AKAP12: variants seen among roughly 807,000 people sequenced by gnomAD.
AKAP12 encodes A-kinase anchoring protein 12, also known as A-kinase anchor protein 12.
AKAP12 carries 32 observed loss-of-function variants against 79.9 expected under a neutral mutation model. The observed-to-expected ratio is 0.40, with a 90% CI of 0.30 to 0.54. The LOEUF (loss-of-function observed/expected upper bound fraction) is 0.54. AKAP12 is among the 20% of genes least tolerant of loss of function. The pLI, the probability that AKAP12 is intolerant of heterozygous loss-of-function variation, is 0.48. For synonymous variants in AKAP12, 808 were observed against 857.0 expected, an observed-to-expected ratio of 0.94 and a Z score of 1.00; for missense variants, 2,074 against 2,177.0, an observed-to-expected ratio of 0.95 and a Z score of 0.94.
intron 2 of AKAP12, among the ~76,000 whole-genome samples, chr6:151,297,272 T>G (rs942073951): frequency 2.6e-5 from 4 of 151,480 alleles, no homozygotes; most frequent in Non-Finnish European, 4.4e-5. Context: ...ACCAGGAACC[T>G]CAGGAAAAAA....
At position 151,347,493 on chromosome 6, in the gene AKAP12, A is replaced by G. The variant is rs115998368; in HGVS notation, c.320-1218A>G. Among the ~76,000 whole-genome samples the G allele has an allele frequency of 1.9e-3, 289 of 152,314 alleles. 1 individual carries two copies. The highest frequency in any genetic ancestry group is 6.7e-3 in the African/African-American group (279 of 41,572). On this transcript the variant is annotated intron_variant, in intron 3 of 4. Transcript: ENST00000402676. Reference sequence around the variant, plus strand: ...CTTACATTGCAACAGAAGATGCACTACCTCGTTGACTCACTCTTAGAGGTG... The same window carrying G: ...CTTACATTGCAACAGAAGATGCACTGCCTCGTTGACTCACTCTTAGAGGTG...
intron 3 of AKAP12, among the ~76,000 whole-genome samples, chr6:151,332,804 C>T (rs1020370525): frequency 6.6e-6 from 1 of 152,186 alleles, no homozygotes; most frequent in Non-Finnish European, 1.5e-5. Context: ...CTCCCTTTAA[C>T]ATTTTGGCCA....
intron 4 of AKAP12, 76 bp from the exon 5 acceptor site, chr6:151,355,651 T>C (rs772487753): frequency 1.3e-5 from 2 of 152,582 alleles, no homozygotes; most frequent in African/African-American, 2.4e-5. Context: ...TAGGTCACTT[T>C]GACAACTATC....
At chr6:151,332,630 CTGTATCACACATGGGTA>C in intron 3 of AKAP12, among the ~76,000 whole-genome samples, 1 of 152,186 alleles carries the variant, frequency 6.6e-6, no homozygotes, top group East Asian at 1.9e-4. Flanking sequence ...CAATACAAGA[CTGTATCACACATGGGTA>C]TGTGGCCTGT....
intron 3 of AKAP12, chr6:151,341,564 C>T: frequency 2.5e-6 from 1 of 395,116 alleles, no homozygotes; most frequent in Non-Finnish European, 3.8e-6. Context: ...CGGCTGGCTT[C>T]CCGGGCCCAG....
chr6:151,350,479 C>T lies in AKAP12; in HGVS notation c.2088C>T (p.Ser696=). The T allele has an allele frequency of 6.2e-7, 1 of 1,614,100 alleles. No homozygotes were observed. The highest frequency in any genetic ancestry group is 1.1e-5 in the South Asian group (1 of 91,074). ...GSSKKRARRG[S]SSDEEGGPKA... is the part of the protein sequence containing the mutation. ...CCAAGAAAAGAGCAAGGAGAGGGTCCTCTTCTGATGAGGAAGGGGGACCAA... is the reference window on the plus strand; with the variant it reads ...CCAAGAAAAGAGCAAGGAGAGGGTCTTCTTCTGATGAGGAAGGGGGACCAA... Residue 696 remains serine, a synonymous_variant, in exon 4 of 5, where the codon TCC becomes TCT. Transcript: ENST00000402676. This position sits in a 1 kb window ranked among gnomAD's most constrained non-coding sequence, Gnocchi z 4.8.
chr6:151,266,387 G>C (rs1159855115), intron 2 of AKAP12, among the ~76,000 whole-genome samples: 2 of 152,096 alleles, frequency 1.3e-5, no homozygotes, highest in Non-Finnish European at 2.9e-5. Flanking sequence ...GTATAAAGAG[G>C]AAAGACAGTG....
Position 151,349,166 on chromosome 6 carries a change from G to A in AKAP12, c.775G>A (p.Gly259Ser), listed in dbSNP as rs748958004. Reference protein sequence around the residue: ...HAEISPPAESGQAVEECKEEG... With the variant: ...HAEISPPAESSQAVEECKEEG... The stretch of plus-strand genomic sequence containing the variant: ...AGAAATTTCTCCCCCAGCCGAATCT[G>A]GCCAAGCAGTGGAGGAATGCAAAGA... Residue 259 changes from glycine (G) to serine (S), a missense_variant, in exon 4 of 5, where the codon GGC becomes AGC. Gly to Ser is a moderately conservative substitution (Grantham distance 56, BLOSUM62 0). This residue lies in a region of AKAP12 where 1,428 missense variants were observed against 1,451.0 expected (regional missense o/e 0.98). Coordinates refer to ENST00000402676, the MANE Select transcript of AKAP12 (RefSeq NM_005100.4). The A allele has an allele frequency of 1.2e-6, 2 of 1,613,662 alleles. No individual in the cohort carries two copies. The highest frequency in any genetic ancestry group is 1.7e-6 in the Non-Finnish European group (2 of 1,180,028).
At chr6:151,353,924 G>A (rs1217895230) in intron 4 of AKAP12, among the ~76,000 whole-genome samples, 172 bp downstream of exon 4, 1 of 152,080 alleles carries the variant, frequency 6.6e-6, no homozygotes, top group Non-Finnish European at 1.5e-5. Context: ...GGTTTTTGGT[G>A]ATTGAAATGC....
At chr6:151,325,193 T>C in intron 3 of AKAP12, 1 of 985,332 alleles carries the variant, frequency 1.0e-6, no homozygotes, top group Non-Finnish European at 1.2e-6. Flanking sequence ...ACACAGATGG[T>C]GAAAATATCA....
rs772602163 is a variant in AKAP12 at position 151,352,889 on chromosome 6, C to A, written c.4498C>A (p.Leu1500Met). ...TACCAAGAAAGGCTTAAGTTCCGACCTGGAAGGAGAGAAAACCACATCACT... is the reference window on the plus strand; with the variant it reads ...TACCAAGAAAGGCTTAAGTTCCGACATGGAAGGAGAGAAAACCACATCACT... Reference protein sequence around the residue: ...ATTKKGLSSDLEGEKTTSLKW... With the variant: ...ATTKKGLSSDMEGEKTTSLKW... The change falls in exon 4 of 5, where the codon CTG becomes ATG. Residue 1500 changes from leucine (L) to methionine (M), a missense_variant. Leu to Met is a conservative substitution (Grantham distance 15, BLOSUM62 2). Around this residue, in one of 3 missense-constraint regions of AKAP12, gnomAD observed 614 missense variants for 665.6 expected, o/e 0.92. Coordinates refer to ENST00000402676, the MANE Select transcript of AKAP12 (RefSeq NM_005100.4). 4 of 1,614,148 alleles carry A rather than the reference C, an allele frequency of 2.5e-6. No individual in the cohort carries two copies. Among genetic ancestry groups the A allele is most frequent in the Non-Finnish European group, 3.4e-6 (4 of 1,180,052 alleles).
chr6:151,326,163 G>C (rs990093818), intron 3 of AKAP12, among the ~76,000 whole-genome samples: 2 of 152,202 alleles, frequency 1.3e-5, no homozygotes, highest in Admixed American at 1.3e-4. Context: ...ATTTTGTTCG[G>C]GGTTGTACCC....
chr6:151,356,224 G>A lies in AKAP12; in HGVS notation c.*510G>A, dbSNP rs1042167. 0.076 allele frequency: 11,577 copies of A among 152,552 alleles called. 463 individuals carry two copies. Among genetic ancestry groups the A allele is most frequent in the Middle Eastern group, 0.23 (66 of 292 alleles). The allele number at this position is 152,552 out of a possible 1,614,324, so 9.4% of individuals were successfully genotyped here. A position where few individuals can be genotyped will look rare whatever the true frequency, so the allele number is the denominator to read the frequency against. ...TTTAAGCCTCAGTTATATAACCCAC[G>A]AAAAACAGAGCCTCCTAGATGTAAC... On this transcript the variant is annotated 3_prime_UTR_variant, in exon 5 of 5. Coordinates refer to ENST00000402676, the MANE Select transcript of AKAP12 (RefSeq NM_005100.4).
chr6:151,341,055 TTC>T (rs1206524972), intron 3 of AKAP12, among the ~76,000 whole-genome samples: 12 of 117,706 alleles, frequency 1.0e-4, no homozygotes, highest in South Asian at 3.0e-4. Flanking sequence ...TTTCTTTTTT[TTC>T]TTTTTTTTTT....
At chr6:151,293,526 G>A (rs982032410) in intron 2 of AKAP12, among the ~76,000 whole-genome samples, 1 of 152,232 alleles carries the variant, frequency 6.6e-6, no homozygotes, top group Non-Finnish European at 1.5e-5. Flanking sequence ...CATCAGCTCA[G>A]AGCAGCGGGT....
At chr6:151,269,243 T>A (rs950908101) in intron 2 of AKAP12, among the ~76,000 whole-genome samples, 4 of 152,028 alleles carry the variant, frequency 2.6e-5, no homozygotes, top group Non-Finnish European at 4.4e-5. Flanking sequence ...CAAGGATGGA[T>A]GATAATCCCA....
chr6:151,336,671 G>T (rs1210206693), intron 3 of AKAP12, among the ~76,000 whole-genome samples: 5 of 152,168 alleles, frequency 3.3e-5, no homozygotes, highest in Admixed American at 2.0e-4. Context: ...GAACCCAGGA[G>T]GTGGAGGTTG....
Position 151,253,759 on chromosome 6 carries a change from G to A in AKAP12, c.162+13035G>A, listed in dbSNP as rs146028224. On this transcript the variant is annotated intron_variant, in intron 2 of 4. Coordinates refer to ENST00000402676, the MANE Select transcript of AKAP12 (RefSeq NM_005100.4). Reference sequence around the variant, plus strand: ...GGCAGAGTCCTGCTCTGTTACCCAGGCTGGAGAGTGCAGTGGTGCTCACTG... The same window carrying A: ...GGCAGAGTCCTGCTCTGTTACCCAGACTGGAGAGTGCAGTGGTGCTCACTG... 2.8e-4 allele frequency among the ~76,000 whole-genome samples: 43 copies of A among 152,054 alleles called. 1 individual carries two copies. The East Asian group carries it at 7.3e-3, about 26-fold the overall frequency.
intron 3 of AKAP12, among the ~76,000 whole-genome samples, chr6:151,307,230 A>C (rs997402506): frequency 6.6e-6 from 1 of 152,324 alleles, no homozygotes; most frequent in Non-Finnish European, 1.5e-5. Flanking sequence ...GTGCGTTATC[A>C]CCTTTAATAG....
Sources: allele counts gnomAD v4.1 joint callset (sites outside exome capture counted in the v4.1 genomes callset), GRCh38; gene constraint gnomAD v4.1.1; regional missense constraint gnomAD v4.1.1; non-coding constraint Gnocchi (gnomAD v3.1); transcripts MANE v1.5; gene names NCBI Gene and HGNC (gene_info 2026-07-23, HGNC 2026-07-21).